KNTC1: variants seen among roughly 807,000 people sequenced by gnomAD.
KNTC1 encodes the protein kinetochore associated 1.
A neutral mutation model predicts 314.4 loss-of-function variants in KNTC1; 253 were observed. The ratio of observed to expected loss-of-function variants is 0.80; its 90% CI spans 0.73 to 0.89. KNTC1 has a LOEUF of 0.89. KNTC1 is among the 40% of genes least tolerant of loss of function. The pLI is 0.00. For synonymous variants in KNTC1, 901 were observed against 901.4 expected, an observed-to-expected ratio of 1.00 and a Z score of 0.01; for missense variants, 2,475 against 2,572.9, an observed-to-expected ratio of 0.96 and a Z score of 0.82.
At chr12:122,607,819 A>G (rs931604586) in intron 51 of KNTC1, among the ~76,000 whole-genome samples, 3 of 152,142 alleles carry the variant, frequency 2.0e-5, no homozygotes, top group Non-Finnish European at 4.4e-5. Context: ...TGGGTCTGCT[A>G]ATGTTTCTTG....
At position 122,599,363 on chromosome 12, in the gene KNTC1, A is replaced by AAT. The variant is rs1555235936; in HGVS notation, c.4563+1425_4563+1426insAT. Among the ~76,000 whole-genome samples the AAT allele has an allele frequency of 9.0e-4, 134 of 149,364 alleles. No homozygotes were observed. The East Asian group carries it at 9.8e-3, about 11-fold the overall frequency. On this transcript the variant is annotated intron_variant, in intron 44 of 63. Transcript: ENST00000333479. ...ATGAAGGTGAATGGCAGGGAAAAAA[A>AAT]TTTTTTTTTTTTCTGAGATGGAGTT... is the stretch of plus-strand genomic sequence containing the variant.
chr12:122,566,806 G>A (rs1196380614), intron 20 of KNTC1, among the ~76,000 whole-genome samples: 2 of 121,212 alleles, frequency 1.7e-5, no homozygotes, highest in Non-Finnish European at 3.2e-5. Flanking sequence ...CTGTCACCCA[G>A]GCTGGAGTGC....
chr12:122,552,636 T>G (rs537489185), intron 16 of KNTC1, among the ~76,000 whole-genome samples: 2 of 152,274 alleles, frequency 1.3e-5, no homozygotes, highest in East Asian at 3.9e-4. Flanking sequence ...AGTTTTGAGA[T>G]TACAGTCCTA....
chr12:122,562,626 T>A lies in KNTC1; in HGVS notation c.1543-12T>A, dbSNP rs769393691. 6.6e-7 allele frequency: 1 copy of A among 1,519,424 alleles called. No individual in the cohort carries two copies. Among genetic ancestry groups the A allele is most frequent in the Non-Finnish European group, 9.1e-7 (1 of 1,098,648 alleles). 94.1% of individuals were successfully genotyped at this position (1,519,424 alleles called of 1,614,324 possible). On this transcript the variant is annotated splice_polypyrimidine_tract_variant and intron_variant, in intron 19 of 63. Transcript: ENST00000333479. ...CATATAAATTCAGATTATTAAATTA[T>A]TTTTTCTTCAGGTGCTAAGAGCTCA...
rs774760645 is a variant in KNTC1, at chr12:122,588,735, T to C, written c.3918T>C (p.Val1306=). 2.6e-6 allele frequency: 4 copies of C among 1,549,430 alleles called. No homozygotes were observed. Among genetic ancestry groups the C allele is most frequent in the Non-Finnish European group, 3.5e-6 (4 of 1,146,810 alleles). ...AGTTATTTGGAGAGACTACATTAGTTAAATCAAGGCATGTTGTTATGGAAT... is the reference window on the plus strand; with the variant it reads ...AGTTATTTGGAGAGACTACATTAGTCAAATCAAGGCATGTTGTTATGGAAT... ...SEKLFGETTL[V]KSRHVVMELK... Residue 1306 remains valine (V), a synonymous_variant, in exon 40 of 64, where the codon GTT becomes GTC. Coordinates refer to ENST00000333479, the MANE Select transcript of KNTC1 (RefSeq NM_014708.6).
At chr12:122,585,092 C>CA in intron 36 of KNTC1, 102 bp downstream of exon 36, 1 of 680,932 alleles carries the variant, frequency 1.5e-6, no homozygotes, top group Non-Finnish European at 2.6e-6. Flanking sequence ...GGCTGGAGTG[C>CA]AGTGGCATGA....
rs1356218785 is a variant in KNTC1 at position 122,626,376 on chromosome 12, G to A, written c.*148G>A. ...ACATGTAATAAATAAAACAATATGA[G>A]CATAATTGCCCCATAAAGAACTCAT... On this transcript the variant is annotated 3_prime_UTR_variant, in exon 64 of 64. Coordinates refer to ENST00000333479, the MANE Select transcript of KNTC1 (RefSeq NM_014708.6). 1.7e-6 allele frequency: 1 copy of A among 605,070 alleles called. No individual in the cohort carries two copies. Among genetic ancestry groups the A allele is most frequent in the Non-Finnish European group, 2.9e-6 (1 of 342,892 alleles). 37.5% of individuals were successfully genotyped at this position (605,070 alleles called of 1,614,324 possible). A position where few individuals can be genotyped will look rare whatever the true frequency, so the allele number is the denominator to read the frequency against.
chr12:122,549,970 G>T (rs968581879), intron 13 of KNTC1, 106 bp downstream of exon 13: 1 of 604,814 alleles, frequency 1.7e-6, no homozygotes, highest in Non-Finnish European at 2.9e-6. Context: ...AGCATTAGTG[G>T]AACCTAGTGG....
At chr12:122,568,443 G>A in intron 21 of KNTC1, 71 bp downstream of exon 21, 1 of 848,986 alleles carries the variant, frequency 1.2e-6, no homozygotes, top group Non-Finnish European at 2.0e-6. Flanking sequence ...CAATGTTGGA[G>A]ACTAACAAGG....
chr12:122,600,308 A>G (rs941746854), intron 44 of KNTC1, among the ~76,000 whole-genome samples: 3 of 152,210 alleles, frequency 2.0e-5, no homozygotes, highest in Admixed American at 1.3e-4. Context: ...CATGTTGGCC[A>G]GGCTGGTCTC....
chr12:122,581,960 T>A (rs7962637), intron 33 of KNTC1, among the ~76,000 whole-genome samples: 7,806 of 152,190 alleles, frequency 0.051, 645 homozygotes, highest in African/African-American at 0.18. Context: ...AAAAAATAAC[T>A]CCCCTTTCCT....
At position 122,551,657 on chromosome 12, in the gene KNTC1, AG is replaced by A. The variant is rs779320224; in HGVS notation, c.1234del (p.Ala412LeufsTer10). On this transcript the variant is annotated frameshift_variant, in exon 16 of 64. Transcript: ENST00000333479. LOFTEE classifies it high-confidence loss of function. ...TACTTCACAAACACAGATTTGCTGA[AG>A]CTGAGAGTTTTGCCATTCAGTTTGG... ...RLLHKHRFAE[A>X]ESFAIQFGLD... 5.9e-5 allele frequency: 95 copies of A among 1,613,780 alleles called. No homozygotes were observed. The highest frequency in any genetic ancestry group is 7.6e-5 in the Non-Finnish European group (90 of 1,179,840).
At chr12:122,606,426 C>G (rs1484403051) in intron 51 of KNTC1, among the ~76,000 whole-genome samples, 1 of 151,856 alleles carries the variant, frequency 6.6e-6, no homozygotes. Flanking sequence ...CCATGTTGGC[C>G]AAGCTGGTCT....
chr12:122,544,219 C>T lies in KNTC1; in HGVS notation c.619C>T (p.Leu207Phe), dbSNP rs1231430958. The T allele has an allele frequency of 1.3e-6, 2 of 1,587,074 alleles. No individual in the cohort carries two copies. Among genetic ancestry groups the T allele is most frequent in the Non-Finnish European group, 1.7e-6 (2 of 1,171,652 alleles). The part of the protein sequence containing the change: ...STENYHTLGC[L>F]SLVAGDLASE... ...TGAAAATTATCATACTCTTGGTTGT[C>T]TCAGTCTTGTGGCTGGAGATTTAGC... Residue 207 changes from leucine to phenylalanine, a missense_variant, in exon 8 of 64, where the codon CTC (leucine) becomes TTC (phenylalanine). By Grantham distance (22) the Leu-to-Phe change is conservative (BLOSUM62 0). Coordinates refer to ENST00000333479, the MANE Select transcript of KNTC1 (RefSeq NM_014708.6).
At chr12:122,556,163 C>T (rs1408654491) in intron 16 of KNTC1, among the ~76,000 whole-genome samples, 3 of 151,830 alleles carry the variant, frequency 2.0e-5, no homozygotes, top group Non-Finnish European at 4.4e-5. Flanking sequence ...ATTACAGACG[C>T]GCACCACCAC....
rs760705157 is a variant in KNTC1 at position 122,605,364 on chromosome 12, C to A, written c.5445C>A (p.Val1815=). The part of the protein sequence containing the change: ...AEVNEINLEK[V]WDMLLEKWLC... The stretch of plus-strand genomic sequence containing the variant: ...TCAATGAAATTAATTTGGAAAAAGT[C>A]TGGGACATGTTGTTGGAAAAATGGC... Residue 1815 remains valine (V), a synonymous_variant, in exon 51 of 64, where the codon GTC becomes GTA. Coordinates refer to ENST00000333479, the MANE Select transcript of KNTC1 (RefSeq NM_014708.6). 3 of 1,606,348 alleles carry A rather than the reference C, an allele frequency of 1.9e-6. No homozygotes were observed. In the South Asian group the frequency reaches 3.4e-5, roughly 18 times the overall value.
At chr12:122,606,441 C>T (rs1249988561) in intron 51 of KNTC1, among the ~76,000 whole-genome samples, 2 of 152,020 alleles carry the variant, frequency 1.3e-5, no homozygotes, top group Non-Finnish European at 2.9e-5. Flanking sequence ...TGGTCTTGAA[C>T]TCCCGACCTC....
At chr12:122,569,978 C>CAG (rs1212978838) in intron 22 of KNTC1, among the ~76,000 whole-genome samples, 154 bp downstream of exon 22, 20 of 152,126 alleles carry the variant, frequency 1.3e-4, no homozygotes, top group African/African-American at 4.6e-4. Context: ...AACTGTGATT[C>CAG]AGAAGGAGAT....
In KNTC1 at chr12:122,549,750, C is replaced by T. The variant is rs1216932829; in HGVS notation, c.988-16C>T. The T allele has an allele frequency of 2.5e-6, 3 of 1,216,010 alleles. No homozygotes were observed. In the East Asian group the frequency reaches 7.4e-5, roughly 30 times the overall value. The allele number at this position is 1,216,010 out of a possible 1,614,324, so 75.3% of individuals were successfully genotyped here. On this transcript the variant is annotated splice_polypyrimidine_tract_variant and intron_variant, in intron 12 of 63. Transcript: ENST00000333479. ...AAATTGATCTGCTAAATTAATTGCT[C>T]TGCTATTTTTCTTAGATGAAAAACC...
Sources: gnomAD v4.1 joint callset for allele counts (sites outside exome capture counted in the v4.1 genomes callset) on GRCh38, gnomAD v4.1.1 for gene constraint, MANE v1.5 for transcripts, NCBI Gene and HGNC (gene_info 2026-07-23, HGNC 2026-07-21) for gene names.